The following PDE4DIP variants were observed in gnomAD, a reference collection of about 807,000 sequenced individuals.
PDE4DIP encodes phosphodiesterase 4D interacting protein.
A neutral mutation model predicts 221.4 loss-of-function variants in PDE4DIP; 59 were observed. That is an observed-to-expected ratio of 0.27 (90% CI 0.22 to 0.33). PDE4DIP has a LOEUF of 0.33. PDE4DIP is among the 10% of genes least tolerant of loss of function. PDE4DIP has a pLI of 1.00. For missense variants in PDE4DIP, 1,036 were observed against 2,154.2 expected (o/e 0.48, Z 10.28); for synonymous variants, 404 against 815.9 (o/e 0.50, Z 8.60).
At chr1:149,030,899 G>GT (rs1256184338) in intron 43 of PDE4DIP, 3 of 479,430 alleles carry the variant, frequency 6.3e-6, no homozygotes, top group Admixed American at 6.5e-5. Flanking sequence ...AACACTAAGT[G>GT]TTAATCATTC....
chr1:148,967,376 A>AT (rs1408868645), intron 12 of PDE4DIP, among the ~76,000 whole-genome samples: 1 of 151,280 alleles, frequency 6.6e-6, no homozygotes, highest in African/African-American at 2.4e-5. Context: ...ATGAATTGCC[A>AT]TAATTAGAAC....
intron 1 of PDE4DIP, among the ~76,000 whole-genome samples, chr1:148,828,868 T>C (rs1386161728): frequency 6.6e-6 from 1 of 151,358 alleles, no homozygotes; most frequent in African/African-American, 2.4e-5. Flanking sequence ...AGGCTAACCA[T>C]TGAAAGGGAT....
chr1:149,006,366 G>C (rs1396219044), intron 27 of PDE4DIP: 3 of 152,156 alleles, frequency 2.0e-5, no homozygotes, highest in African/African-American at 4.8e-5. Context: ...ACTGGGCTCA[G>C]CTGGGTGGTT....
At chr1:149,000,323 G>C (rs2065318203) in intron 23 of PDE4DIP, among the ~76,000 whole-genome samples, 1 of 152,222 alleles carries the variant, frequency 6.6e-6, no homozygotes, top group Non-Finnish European at 1.5e-5. Context: ...GGGAGGCCAA[G>C]GCAGGCGGAT....
chr1:149,032,909 A>C (rs1351019072), exon 44 of PDE4DIP: 2 of 204,932 alleles, frequency 9.8e-6, no homozygotes, highest in Non-Finnish European at 2.0e-5. Flanking sequence ...AACGCCATAT[A>C]TTGAAGGCCA....
intron 5 of PDE4DIP, among the ~76,000 whole-genome samples, chr1:148,955,211 A>C (rs1416844917): frequency 6.6e-6 from 1 of 152,256 alleles, no homozygotes; most frequent in Non-Finnish European, 1.5e-5. Context: ...CCTCGCAGCT[A>C]AATTTGGGCT....
exon 18 of PDE4DIP, chr1:148,977,971 T>A (rs1214582640): frequency 6.2e-7 from 1 of 1,614,172 alleles, no homozygotes; most frequent in Non-Finnish European, 8.5e-7. Flanking sequence ...ATGATGGCTG[T>A]GCAGGAAGAA....
In PDE4DIP at chr1:148,975,210, G is replaced by A. The variant is rs587714821; in HGVS notation, c.2319+605G>A. Among the ~76,000 whole-genome samples the A allele has an allele frequency of 2.1e-3, 314 of 147,798 alleles. 10 individuals are homozygous for A. Among genetic ancestry groups the A allele is most frequent in the African/African-American group, 6.8e-3 (270 of 39,826 alleles). On this transcript the variant is annotated intron_variant, in intron 17 of 43. Coordinates refer to ENST00000369354, the Ensembl canonical transcript of PDE4DIP. ...ATAATAATAATAATTGTAAAGCACT[G>A]GTGAAAAAAGGAAGCGCTGTGTGAT...
intron 4 of PDE4DIP, among the ~76,000 whole-genome samples, chr1:148,936,923 C>T (rs113116501): frequency 0.021 from 3,120 of 152,136 alleles, 38 homozygotes; most frequent in African/African-American, 0.072. Flanking sequence ...CCTGAGGGAC[C>T]TGCCTGAGGC....
At chr1:148,930,084 A>G (rs1469216843) in intron 2 of PDE4DIP, 2 of 151,586 alleles carry the variant, frequency 1.3e-5, no homozygotes, top group African/African-American at 2.4e-5. Flanking sequence ...ATATACATTT[A>G]TATTGCTAAA....
intron 21 of PDE4DIP, among the ~76,000 whole-genome samples, chr1:148,990,861 A>T (rs111646473): frequency 1.8e-5 from 1 of 56,338 alleles, no homozygotes; most frequent in African/African-American, 7.1e-5. Context: ...AACAGTCTTA[A>T]TTTTAATCAA....
intron 1 of PDE4DIP, among the ~76,000 whole-genome samples, chr1:148,926,683 G>T (rs486749): frequency 6.6e-6 from 1 of 151,600 alleles, no homozygotes; most frequent in Non-Finnish European, 1.5e-5. Flanking sequence ...ACATTAGGAA[G>T]TTGCTCCCTC....
rs2060976190 is a variant in PDE4DIP, at chr1:148,980,949, G to A, written c.2688-321G>A. The stretch of plus-strand genomic sequence containing the variant: ...GGGTTTTAGTTTTTCAGAAACAAAA[G>A]CTTTTAGCCAAATAATGAAATTTCT... On this transcript the variant is annotated intron_variant, in intron 20 of 43. Transcript: ENST00000369354. 2.0e-5 allele frequency among the ~76,000 whole-genome samples: 3 copies of A among 152,228 alleles called. No individual in the cohort carries two copies. The South Asian group carries it at 6.2e-4, about 31-fold the overall frequency.
At chr1:148,977,851 A>G (rs2060477020) in intron 17 of PDE4DIP, 86 bp from the exon 21 acceptor site, 1 of 1,554,860 alleles carries the variant, frequency 6.4e-7, no homozygotes, top group African/African-American at 1.4e-5. Flanking sequence ...CTTTTCCATT[A>G]CTGGCTGATA....
chr1:148,927,037 A>C (rs1310057748), intron 1 of PDE4DIP, among the ~76,000 whole-genome samples: 1 of 149,452 alleles, frequency 6.7e-6, no homozygotes, highest in Non-Finnish European at 1.5e-5. Context: ...AACAACAAAC[A>C]ATGTTTTAGC....
intron 9 of PDE4DIP, among the ~76,000 whole-genome samples, chr1:148,964,420 T>C (rs1397372436): frequency 6.6e-6 from 1 of 151,780 alleles, no homozygotes; most frequent in Non-Finnish European, 1.5e-5. Flanking sequence ...AATACACAAC[T>C]CTTAAATGGT....
intron 35 of PDE4DIP, chr1:149,019,461 ATTAAT>A (rs1477697525): frequency 1.3e-5 from 2 of 151,982 alleles, no homozygotes; most frequent in African/African-American, 4.8e-5. Flanking sequence ...ACCCAAATTA[ATTAAT>A]TTAATTAATT....
chr1:148,976,369 C>G (rs2060174482), intron 17 of PDE4DIP, among the ~76,000 whole-genome samples: 1 of 152,236 alleles, frequency 6.6e-6, no homozygotes, highest in Non-Finnish European at 1.5e-5. Context: ...TCTGGATTTA[C>G]CACTTACTAG....
At chr1:148,879,298 A>T (rs1692730083) in intron 3 of PDE4DIP, among the ~76,000 whole-genome samples, 1 of 123,212 alleles carries the variant, frequency 8.1e-6, no homozygotes, top group Non-Finnish European at 1.8e-5. Context: ...ACTCACTGCA[A>T]CCTCTGCCTT....
Sources: allele counts gnomAD v4.1 joint callset (sites outside exome capture counted in the v4.1 genomes callset), GRCh38; gene constraint gnomAD v4.1.1; transcripts MANE v1.5; gene names NCBI Gene and HGNC (gene_info 2026-07-23, HGNC 2026-07-21).